The following RIMS2 variants were observed in gnomAD, a reference collection of about 807,000 sequenced individuals.
The protein encoded by RIMS2 is regulating synaptic membrane exocytosis protein 2.
A neutral mutation model predicts 174.4 loss-of-function variants in RIMS2; 59 were observed. The ratio of observed to expected loss-of-function variants is 0.34; its 90% confidence interval spans 0.27 to 0.42. The LOEUF (loss-of-function observed/expected upper bound fraction) is 0.42. Ranked by LOEUF, RIMS2 falls within the 10% of genes least tolerant of loss-of-function variation. The probability of loss-of-function intolerance (pLI) is 1.00; values close to 1 mark genes in which losing one functional copy is unlikely to be tolerated. For synonymous variants in RIMS2, 606 were observed against 572.5 expected (o/e 1.06, Z -0.84); for missense variants, 1,620 against 1,666.3 (o/e 0.97, Z 0.48).
At chr8:103,727,643 T>C (rs755224842) in intron 2 of RIMS2, among the ~76,000 whole-genome samples, 2 of 152,218 alleles carry the variant, frequency 1.3e-5, no homozygotes, top group African/African-American at 4.8e-5. Flanking sequence ...TCTAGTCTTA[T>C]TCTTCTGTGT....
intron 1 of RIMS2, among the ~76,000 whole-genome samples, chr8:103,690,546 T>G (rs1278289123): frequency 6.6e-6 from 1 of 152,250 alleles, no homozygotes; most frequent in African/African-American, 2.4e-5. Flanking sequence ...AACTTAACAC[T>G]GACTGCATAA....
chr8:103,562,765 A>G lies in RIMS2; in HGVS notation c.176+61703A>G, dbSNP rs118040054. 9.6e-3 allele frequency among the ~76,000 whole-genome samples: 1,464 copies of G among 152,234 alleles called. 15 individuals carry two copies. Among genetic ancestry groups the G allele is most frequent in the South Asian group, 0.018 (87 of 4,822 alleles). On this transcript the variant is annotated intron_variant, in intron 1 of 23. Transcript: ENST00000504942. The stretch of plus-strand genomic sequence containing the variant: ...ACTGCCCTAACAGAGGTTTTCTATG[A>G]GGGCCCCGTCCCTGCAGCAAACTTC...
At chr8:104,084,991 T>C (rs951326859) in intron 19 of RIMS2, among the ~76,000 whole-genome samples, 2 of 152,208 alleles carry the variant, frequency 1.3e-5, no homozygotes, top group African/African-American at 4.8e-5. Flanking sequence ...ATGACTATTA[T>C]GATTTTCATC....
At chr8:104,096,305 G>C (rs2097761675) in intron 19 of RIMS2, among the ~76,000 whole-genome samples, 1 of 152,172 alleles carries the variant, frequency 6.6e-6, no homozygotes, top group Non-Finnish European at 1.5e-5. Flanking sequence ...TACCTGGCTT[G>C]CTAGGCAGAG....
chr8:103,917,099 G>T (rs964732249), intron 8 of RIMS2, among the ~76,000 whole-genome samples: 2 of 152,024 alleles, frequency 1.3e-5, no homozygotes, highest in East Asian at 3.9e-4. Context: ...CCAAACATTA[G>T]CAATAAATAT....
At chr8:103,739,488 C>G (rs1279014768) in intron 2 of RIMS2, among the ~76,000 whole-genome samples, 1 of 152,154 alleles carries the variant, frequency 6.6e-6, no homozygotes, top group Non-Finnish European at 1.5e-5. Context: ...TGTAACAAAC[C>G]TGCACGTTGT....
intron 3 of RIMS2, among the ~76,000 whole-genome samples, chr8:103,861,580 A>G (rs2099059233): frequency 6.6e-6 from 1 of 152,128 alleles, no homozygotes; most frequent in African/African-American, 2.4e-5. Flanking sequence ...GGTTGTACCA[A>G]TTTACAATCT....
chr8:103,503,080 A>G (rs964624289), intron 1 of RIMS2, among the ~76,000 whole-genome samples: 9 of 152,028 alleles, frequency 5.9e-5, no homozygotes, highest in Non-Finnish European at 1.3e-4. Context: ...CTCTAAATAC[A>G]TATTCATACA....
intron 19 of RIMS2, among the ~76,000 whole-genome samples, chr8:104,017,908 G>A (rs527898745): frequency 9.2e-4 from 140 of 151,696 alleles, no homozygotes; most frequent in African/African-American, 3.0e-3. Flanking sequence ...AAACCCCATC[G>A]CTATAAAAAA....
rs370330667 is a variant in RIMS2 at position 103,587,409 on chromosome 8, G to GAGAAAGAAAGAAAGAAAGAAAGAAAGA, written c.176+86348_176+86349insGAAAGAAAGAAAGAAAGAAAGAAAGAA. 2.6e-5 allele frequency among the ~76,000 whole-genome samples: 3 copies of GAGAAAGAAAGAAAGAAAGAAAGAAAGA among 117,148 alleles called. No individual in the cohort carries two copies. In the East Asian group the frequency reaches 7.5e-4, roughly 29 times the overall value. The allele number at this position is 117,148 out of a possible 152,430, so 76.9% of individuals were successfully genotyped here. ...CCAAAGACACATCAGGAAGAAAAAA[G>GAGAAAGAAAGAAAGAAAGAAAGAAAGA]AAGAAAGAAAGAAAGAAAGAAAGAA... is the stretch of plus-strand genomic sequence containing the variant. On this transcript the variant is annotated intron_variant, in intron 1 of 23. Coordinates refer to ENST00000504942, the Ensembl canonical transcript of RIMS2.
Position 104,006,626 on chromosome 8 carries a change from T to TTCTCTCTCTCTC in RIMS2, c.3045-6784_3045-6773dup, listed in dbSNP as rs55665972. ...TCAAGCTAACTTGAGAGTGATCTAT[T>TTCTCTCTCTCTC]TCTCTCTCTCTCTCTCTCTCTCTCT... On this transcript the variant is annotated intron_variant, in intron 17 of 23. Transcript: ENST00000504942. 4.3e-3 allele frequency among the ~76,000 whole-genome samples: 592 copies of TTCTCTCTCTCTC among 138,180 alleles called. 4 individuals carry two copies. The highest frequency in any genetic ancestry group is 5.9e-3 in the Non-Finnish European group (379 of 64,526). 90.7% of individuals were successfully genotyped at this position (138,180 alleles called of 152,430 possible).
At chr8:103,561,923 G>A (rs2091655566) in intron 1 of RIMS2, among the ~76,000 whole-genome samples, 1 of 152,182 alleles carries the variant, frequency 6.6e-6, no homozygotes, top group Non-Finnish European at 1.5e-5. Flanking sequence ...TACAAGGATA[G>A]TGATAGGAAA....
intron 19 of RIMS2, among the ~76,000 whole-genome samples, chr8:104,128,143 C>A (rs11988925): frequency 0.034 from 5,156 of 152,218 alleles, 249 homozygotes; most frequent in African/African-American, 0.11. Context: ...ATCACCAAAT[C>A]TGCTAATTTT....
chr8:103,534,741 C>G (rs1416127446), intron 1 of RIMS2, among the ~76,000 whole-genome samples: 2 of 152,154 alleles, frequency 1.3e-5, no homozygotes, highest in African/African-American at 2.4e-5. Context: ...TTATTCTCAT[C>G]AGTAGACCTG....
intron 19 of RIMS2, among the ~76,000 whole-genome samples, chr8:104,200,772 A>G (rs1282306373): frequency 6.6e-6 from 1 of 152,078 alleles, no homozygotes; most frequent in African/African-American, 2.4e-5. Flanking sequence ...TAGCTGGGCA[A>G]TGCTCATGGC....
intron 1 of RIMS2, among the ~76,000 whole-genome samples, chr8:103,672,708 C>T (rs2096759974): frequency 6.6e-6 from 1 of 152,092 alleles, no homozygotes; most frequent in South Asian, 2.1e-4. Flanking sequence ...CTGGGGATTA[C>T]AATTCTACAT....
At chr8:104,102,384 A>G (rs770878572) in intron 19 of RIMS2, among the ~76,000 whole-genome samples, 1 of 151,976 alleles carries the variant, frequency 6.6e-6, no homozygotes, top group Non-Finnish European at 1.5e-5. Flanking sequence ...CCCTCCATTC[A>G]CCAAGTCTTG....
At chr8:103,956,274 A>G (rs1313495691) in intron 14 of RIMS2, among the ~76,000 whole-genome samples, 1 of 152,226 alleles carries the variant, frequency 6.6e-6, no homozygotes, top group Non-Finnish European at 1.5e-5. Flanking sequence ...TGGAACCAAA[A>G]AAGAGTCCAC....
intron 1 of RIMS2, among the ~76,000 whole-genome samples, chr8:103,654,656 A>T (rs926819711): frequency 6.6e-6 from 1 of 151,836 alleles, no homozygotes. Context: ...ATGCCCTTTA[A>T]TTCACTTACT....
Sources: gnomAD v4.1 joint callset for allele counts (sites outside exome capture counted in the v4.1 genomes callset) on GRCh38, gnomAD v4.1.1 for gene constraint, MANE v1.5 for transcripts, NCBI Gene and HGNC (gene_info 2026-07-23, HGNC 2026-07-21) for gene names.